Variants in MYO9B observed in about 807,000 individuals in gnomAD.
MYO9B encodes the protein myosin IXB, also known as unconventional myosin-IXb.
Under a neutral mutation model 229.5 loss-of-function variants are expected in MYO9B, and 71 were observed. The ratio of observed to expected loss-of-function variants is 0.31; its 90% confidence interval spans 0.26 to 0.38. The LOEUF is 0.38. Among genes scored for constraint, MYO9B ranks in the 10% least tolerant of loss-of-function variants. MYO9B has a pLI of 1.00. For synonymous variants in MYO9B, 1,185 were observed against 1,235.8 expected, an observed-to-expected ratio of 0.96 and a Z score of 0.86; for missense variants, 2,255 against 2,920.5, an observed-to-expected ratio of 0.77 and a Z score of 5.25.
At chr19:17,200,554 G>A in intron 25 of MYO9B, 85 bp from the exon 26 acceptor site, 1 of 1,510,332 alleles carries the variant, frequency 6.6e-7, no homozygotes, top group Non-Finnish European at 8.9e-7. Context: ...GGGGTTTCTG[G>A]CCCTGGATAA....
At chr19:17,115,472 T>C (rs1222767570) in intron 2 of MYO9B, among the ~76,000 whole-genome samples, 1 of 146,954 alleles carries the variant, frequency 6.8e-6, no homozygotes, top group Non-Finnish European at 1.5e-5. Context: ...CAGATGCCTT[T>C]TTTTTTTTTT....
At chr19:17,161,201 G>A (rs139821649) in intron 8 of MYO9B, among the ~76,000 whole-genome samples, 52 of 152,188 alleles carry the variant, frequency 3.4e-4, no homozygotes, top group African/African-American at 1.2e-3. Flanking sequence ...TACCACAGTC[G>A]CACGCCCCAC....
chr19:17,104,207 T>G (rs2057772340), intron 2 of MYO9B, among the ~76,000 whole-genome samples: 1 of 151,656 alleles, frequency 6.6e-6, no homozygotes, highest in Non-Finnish European at 1.5e-5. Flanking sequence ...ACCAGCAGGG[T>G]GGAAGGAAGC....
At chr19:17,090,458 C>T (rs1242248052) in intron 1 of MYO9B, among the ~76,000 whole-genome samples, 1 of 152,170 alleles carries the variant, frequency 6.6e-6, no homozygotes, top group Admixed American at 6.5e-5. Flanking sequence ...GCCTTCATTC[C>T]TTTTTATGGC....
chr19:17,206,913 G>T (rs1344495039), intron 34 of MYO9B, 129 bp downstream of exon 34: 2 of 1,214,374 alleles, frequency 1.6e-6, no homozygotes, highest in African/African-American at 3.0e-5. Flanking sequence ...CCACTGTTGG[G>T]GGTTCTGGGA....
chr19:17,208,889 C>G (rs1409722723), intron 35 of MYO9B, among the ~76,000 whole-genome samples: 3 of 151,850 alleles, frequency 2.0e-5, no homozygotes, highest in East Asian at 3.9e-4. Flanking sequence ...ACTGACCACT[C>G]CGGACTGAGT....
intron 2 of MYO9B, among the ~76,000 whole-genome samples, chr19:17,136,635 C>T (rs1254003938): frequency 6.6e-6 from 1 of 151,806 alleles, no homozygotes; most frequent in Non-Finnish European, 1.5e-5. Context: ...CGCTGTTCAA[C>T]ACCGTGTAGT....
At chr19:17,161,741 A>G (rs2072604527) in intron 8 of MYO9B, among the ~76,000 whole-genome samples, 1 of 152,046 alleles carries the variant, frequency 6.6e-6, no homozygotes, top group African/African-American at 2.4e-5. Flanking sequence ...GCTTGAACCC[A>G]GGAGGGAGAG....
rs1293856294 is a variant in MYO9B, at chr19:17,172,750, C to T, written c.1936-9C>T. On this transcript the variant is annotated splice_polypyrimidine_tract_variant and intron_variant, in intron 12 of 39. Coordinates refer to ENST00000682292, the MANE Select transcript of MYO9B (RefSeq NM_004145.4). This position sits in a 1 kb window ranked among gnomAD's most constrained non-coding sequence, Gnocchi z 8.2. The stretch of plus-strand genomic sequence containing the variant: ...CCCCGAGTGACCGCCCACATCCATC[C>T]CCCACCAGGACTTCCGGGAGAAGAA... 1 of 1,613,156 alleles carries T rather than the reference C, an allele frequency of 6.2e-7. No individual in the cohort carries two copies. The highest frequency in any genetic ancestry group is 8.5e-7 in the Non-Finnish European group (1 of 1,179,456).
chr19:17,161,053 G>A (rs1361345473), intron 8 of MYO9B, among the ~76,000 whole-genome samples: 2 of 151,478 alleles, frequency 1.3e-5, no homozygotes, highest in Non-Finnish European at 2.9e-5. Flanking sequence ...CACCCGCCTC[G>A]GCTCCCAGAG....
chr19:17,177,107 A>G (rs1289588204), intron 14 of MYO9B, among the ~76,000 whole-genome samples: 1 of 152,072 alleles, frequency 6.6e-6, no homozygotes, highest in African/African-American at 2.4e-5. Context: ...AGGCTGAGGC[A>G]GGAGAATTGC....
chr19:17,141,541 C>T (rs1179340865), intron 2 of MYO9B, among the ~76,000 whole-genome samples: 3 of 151,324 alleles, frequency 2.0e-5, no homozygotes, highest in Non-Finnish European at 4.4e-5. Flanking sequence ...CCTTACAGCC[C>T]GCATCCTGCT....
At chr19:17,151,835 C>T (rs1208522269) in intron 3 of MYO9B, among the ~76,000 whole-genome samples, 3 of 152,162 alleles carry the variant, frequency 2.0e-5, no homozygotes, top group Admixed American at 6.5e-5. Context: ...GAGAACAAGG[C>T]TGCATTGAGC....
chr19:17,166,082 A>G (rs1301705108), intron 10 of MYO9B, among the ~76,000 whole-genome samples: 2 of 151,660 alleles, frequency 1.3e-5, no homozygotes, highest in African/African-American at 2.4e-5. Context: ...TTGCCCTGTC[A>G]TTCAGGCCGG....
rs1316543950 is a variant in MYO9B at position 17,213,167 on chromosome 19, A to G, written c.*857A>G. On this transcript the variant is annotated 3_prime_UTR_variant, in exon 40 of 40. Transcript: ENST00000682292. ...ATAGGTCAACAGGGACAACCTGGGG[A>G]TCTCTGGAGCAGGGCCCTCCTCTCT... The G allele has an allele frequency of 6.6e-6, 1 of 152,256 alleles. No individual in the cohort carries two copies. Among genetic ancestry groups the G allele is most frequent in the Non-Finnish European group, 1.5e-5 (1 of 68,092 alleles). 9.4% of individuals were successfully genotyped at this position (152,256 alleles called of 1,614,324 possible).
In MYO9B at chr19:17,172,303, C is replaced by G. The variant is rs1599389880; in HGVS notation, c.1794-33C>G. 1.9e-6 allele frequency: 3 copies of G among 1,610,760 alleles called. No individual in the cohort carries two copies. The highest frequency in any genetic ancestry group is 1.7e-5 in the Admixed American group (1 of 59,822). On this transcript the variant is annotated intron_variant, in intron 11 of 39. Transcript: ENST00000682292. The surrounding 1 kb of genome is among the most constrained non-coding windows in gnomAD (Gnocchi z 8.2). ...CACAGCAGGTAAATCAGCCGCTGTT[C>G]ATGCCTGCAAAGGTTCCATGTTCTG...
intron 28 of MYO9B, 123 bp downstream of exon 28, chr19:17,202,426 T>C (rs1599423092): frequency 6.2e-6 from 6 of 961,292 alleles, no homozygotes; most frequent in Middle Eastern, 3.2e-4. Flanking sequence ...GCCCTGCCCA[T>C]ACCACAGCCA....
chr19:17,078,011 C>T (rs1204720760), intron 1 of MYO9B, among the ~76,000 whole-genome samples: 1 of 152,136 alleles, frequency 6.6e-6, no homozygotes, highest in Non-Finnish European at 1.5e-5. Flanking sequence ...GTGGGAATCT[C>T]CCCTTTCTGT....
At chr19:17,117,937 C>CAAAAAA (rs567862829) in intron 2 of MYO9B, among the ~76,000 whole-genome samples, 13 of 91,248 alleles carry the variant, frequency 1.4e-4, no homozygotes, top group South Asian at 3.7e-4. Flanking sequence ...CACTCTTCCT[C>CAAAAAA]AAAAAAAAAA....
Sources: gnomAD v4.1 joint callset for allele counts (sites outside exome capture counted in the v4.1 genomes callset) on GRCh38, gnomAD v4.1.1 for gene constraint, Gnocchi (gnomAD v3.1) non-coding constraint, MANE v1.5 for transcripts, NCBI Gene and HGNC (gene_info 2026-07-23, HGNC 2026-07-21) for gene names.